The following FRMPD4 variants were observed in gnomAD, a reference collection of about 807,000 sequenced individuals.
The protein encoded by FRMPD4 is FERM and PDZ domain-containing protein 4.
In FRMPD4, 22 loss-of-function variants were observed where a neutral mutation model predicts 94.1. The observed-to-expected ratio is 0.23, with a 90% confidence interval of 0.17 to 0.33. The LOEUF is 0.33. Ranked by LOEUF, FRMPD4 falls within the 10% of genes least tolerant of loss-of-function variation. The probability of loss-of-function intolerance (pLI) is 1.00; values close to 1 mark genes in which losing one functional copy is unlikely to be tolerated. For missense variants in FRMPD4, 1,111 were observed against 1,339.9 expected, an observed-to-expected ratio of 0.83 and a Z score of 2.67; for synonymous variants, 631 against 548.6, an observed-to-expected ratio of 1.15 and a Z score of -2.10.
rs1569186488 is a variant in FRMPD4, at chrX:12,193,778, G to GAAAAA, written c.41+54766_41+54767insAAAAA. Among the ~76,000 whole-genome samples the GAAAAA allele has an allele frequency of 9.4e-3, 287 of 30,440 alleles. 47 individuals carry two copies. The highest frequency in any genetic ancestry group is 0.053 in the African/African-American group (273 of 5,168). 26.4% of individuals were successfully genotyped at this position (30,440 alleles called of 115,157 possible). On this transcript the variant is annotated intron_variant, in intron 1 of 16. Coordinates refer to ENST00000675598, the MANE Select transcript of FRMPD4 (RefSeq NM_001368397.1). ...AGAAAGAAAGAAAGAAAGAAAGGAA[G>GAAAAA]GAAGGAAGGAAGGAAGGAAGGAAGG...
chrX:12,513,028 A>G (rs1294970176), intron 2 of FRMPD4, among the ~76,000 whole-genome samples: 5 of 112,274 alleles, frequency 4.5e-5, no homozygotes, highest in African/African-American at 1.3e-4. Flanking sequence ...TCTGTTGAGA[A>G]GCGTCTGTTC....
At chrX:11,933,455 A>T (rs1432169127) in intron 3 of FRMPD4, among the ~76,000 whole-genome samples, 5 of 112,267 alleles carry the variant, frequency 4.5e-5, no homozygotes, top group Non-Finnish European at 7.5e-5. Context: ...CTTCATTTGG[A>T]TTGTTTAAAG....
At chrX:12,540,112 C>G (rs1328559181) in intron 2 of FRMPD4, among the ~76,000 whole-genome samples, 1 of 112,149 alleles carries the variant, frequency 8.9e-6, no homozygotes, top group Non-Finnish European at 1.9e-5. Flanking sequence ...AAAGGAAAAA[C>G]CAGTACAAGC....
At chrX:12,277,997 G>A (rs1472025453) in intron 1 of FRMPD4, among the ~76,000 whole-genome samples, 4 of 112,159 alleles carry the variant, frequency 3.6e-5, no homozygotes, top group East Asian at 2.8e-4. Context: ...CAGGTATTAC[G>A]AATTGTAAGA....
intron 1 of FRMPD4, among the ~76,000 whole-genome samples, chrX:12,482,925 T>C (rs1455717593): frequency 3.6e-5 from 4 of 111,767 alleles, no homozygotes; most frequent in Middle Eastern, 4.2e-3. Flanking sequence ...GCAGAGCAAA[T>C]TGACAGAAAG....
chrX:12,209,609 C>T (rs2056733069), intron 1 of FRMPD4, among the ~76,000 whole-genome samples: 1 of 112,232 alleles, frequency 8.9e-6, no homozygotes, highest in Admixed American at 9.4e-5. Flanking sequence ...ATGTGAAGGG[C>T]TTCAGTGCAG....
chrX:12,627,883 T>C (rs1026393852), intron 4 of FRMPD4, among the ~76,000 whole-genome samples: 2 of 112,347 alleles, frequency 1.8e-5, no homozygotes, highest in Admixed American at 1.9e-4. Flanking sequence ...TGGAAGGAGA[T>C]AATTATTGAA....
At chrX:12,053,404 A>AAG (rs2054833505) in intron 3 of FRMPD4, among the ~76,000 whole-genome samples, 1 of 102,672 alleles carries the variant, frequency 9.7e-6, no homozygotes, top group East Asian at 3.3e-4. Flanking sequence ...GAAAGAAAGA[A>AAG]AGAAAGAAAG....
At chrX:12,428,069 C>G (rs896295249) in intron 1 of FRMPD4, among the ~76,000 whole-genome samples, 1 of 109,164 alleles carries the variant, frequency 9.2e-6, no homozygotes, top group Non-Finnish European at 1.9e-5. Flanking sequence ...GCCACCATGC[C>G]CAGCTAATTT....
intron 2 of FRMPD4, among the ~76,000 whole-genome samples, chrX:12,538,786 A>G (rs2058370602): frequency 8.9e-6 from 1 of 112,309 alleles, no homozygotes; most frequent in South Asian, 3.7e-4. Context: ...AAGGACATCC[A>G]CACCAAAACC....
At chrX:12,598,742 G>A (rs1046087870) in intron 2 of FRMPD4, among the ~76,000 whole-genome samples, 6 of 112,273 alleles carry the variant, frequency 5.3e-5, no homozygotes, top group Non-Finnish European at 1.1e-4. Flanking sequence ...AAGATCAAGA[G>A]ATCACAAGTT....
chrX:12,303,148 C>T (rs2054886071), intron 1 of FRMPD4, among the ~76,000 whole-genome samples: 1 of 111,954 alleles, frequency 8.9e-6, no homozygotes, highest in Non-Finnish European at 1.9e-5. Context: ...GACTAAGGTA[C>T]CACAAACATG....
intron 3 of FRMPD4, among the ~76,000 whole-genome samples, chrX:11,970,343 A>G (rs909777398): frequency 9.0e-6 from 1 of 111,652 alleles, no homozygotes; most frequent in Non-Finnish European, 1.9e-5. Context: ...CAACCATTAG[A>G]CCTACATTCC....
At chrX:11,973,355 C>T (rs181066728) in intron 3 of FRMPD4, among the ~76,000 whole-genome samples, 13 of 112,040 alleles carry the variant, frequency 1.2e-4, no homozygotes, top group Admixed American at 4.7e-4. Flanking sequence ...TTTGTGTGTA[C>T]TGCCTGAAAA....
At chrX:11,862,069 A>G (rs2053690539) in intron 1 of FRMPD4, among the ~76,000 whole-genome samples, 1 of 110,692 alleles carries the variant, frequency 9.0e-6, no homozygotes, top group Non-Finnish European at 1.9e-5. Flanking sequence ...ACAAGAACCC[A>G]CTCACTATCA....
At chrX:11,998,932 A>G (rs2147403736) in intron 3 of FRMPD4, among the ~76,000 whole-genome samples, 1 of 112,098 alleles carries the variant, frequency 8.9e-6, no homozygotes, top group South Asian at 3.7e-4. Context: ...TTCAGTTTGT[A>G]TGGGAAGATA....
At chrX:12,573,386 T>C (rs1249741307) in intron 2 of FRMPD4, among the ~76,000 whole-genome samples, 3 of 112,022 alleles carry the variant, frequency 2.7e-5, no homozygotes, top group Non-Finnish European at 5.6e-5. Context: ...CAGAACAAAA[T>C]GAAGGATAAA....
At chrX:12,398,663 A>C (rs976761868) in intron 1 of FRMPD4, among the ~76,000 whole-genome samples, 1 of 111,500 alleles carries the variant, frequency 9.0e-6, no homozygotes, top group Non-Finnish European at 1.9e-5. Flanking sequence ...CTTTTTTGTT[A>C]CTGTCAGACC....
At chrX:12,060,268 T>G (rs999768892) in intron 3 of FRMPD4, among the ~76,000 whole-genome samples, 1 of 70,154 alleles carries the variant, frequency 1.4e-5, no homozygotes, top group Non-Finnish European at 2.5e-5. Flanking sequence ...TAGGAACTGG[T>G]TTTTTTTTTT....
Sources: allele counts gnomAD v4.1 joint callset (sites outside exome capture counted in the v4.1 genomes callset), GRCh38; gene constraint gnomAD v4.1.1; transcripts MANE v1.5; gene names NCBI Gene and HGNC (gene_info 2026-07-23, HGNC 2026-07-21).